Variants in STAU1 observed in about 807,000 individuals in gnomAD.
The protein encoded by STAU1 is staufen double-stranded RNA binding protein 1.
STAU1 carries 13 observed loss-of-function variants against 62.9 expected under a neutral mutation model. The ratio of observed to expected loss-of-function variants is 0.21; its 90% confidence interval spans 0.13 to 0.33. The LOEUF (loss-of-function observed/expected upper bound fraction) is 0.33, where lower values mean the gene tolerates loss of function less well. Among genes scored for constraint, STAU1 ranks in the 10% least tolerant of loss-of-function variants. STAU1 has a pLI of 1.00. For synonymous variants in STAU1, 269 were observed against 265.1 expected (o/e 1.01, Z -0.14); for missense variants, 571 against 712.1 (o/e 0.80, Z 2.25).
chr20:49,146,908 C>G (rs1003879357), intron 5 of STAU1, among the ~76,000 whole-genome samples: 1 of 152,030 alleles, frequency 6.6e-6, no homozygotes. Context: ...AGCTAGCCCC[C>G]GTTTTTCTCT....
chr20:49,144,032 C>G (rs1352436987), intron 5 of STAU1, among the ~76,000 whole-genome samples: 2 of 152,224 alleles, frequency 1.3e-5, no homozygotes, highest in Non-Finnish European at 2.9e-5. Context: ...ACTTTTGAAA[C>G]AGACTCATAA....
chr20:49,146,374 T>TTTA (rs1183137172), intron 5 of STAU1, among the ~76,000 whole-genome samples: 2 of 152,190 alleles, frequency 1.3e-5, no homozygotes, highest in East Asian at 3.8e-4. Context: ...AAGAGCTGCA[T>TTTA]TTATTCATTT....
intron 5 of STAU1, among the ~76,000 whole-genome samples, chr20:49,140,122 G>T (rs1253726481): frequency 6.6e-6 from 1 of 151,560 alleles, no homozygotes; most frequent in Non-Finnish European, 1.5e-5. Context: ...GGAGGCGGAG[G>T]TTGCAGTGAG....
intron 5 of STAU1, among the ~76,000 whole-genome samples, chr20:49,148,485 T>C (rs547245942): frequency 2.8e-4 from 43 of 152,276 alleles, no homozygotes; most frequent in African/African-American, 1.0e-3. Context: ...GTCGCAAGCG[T>C]TTAGGGTAAG....
chr20:49,136,848 C>T (rs2092896626), intron 5 of STAU1, among the ~76,000 whole-genome samples: 2 of 152,148 alleles, frequency 1.3e-5, no homozygotes, highest in Non-Finnish European at 2.9e-5. Context: ...CAGGCATGCG[C>T]CACCACACCC....
At chr20:49,164,662 A>C (rs2146374466) in intron 3 of STAU1, among the ~76,000 whole-genome samples, 1 of 152,228 alleles carries the variant, frequency 6.6e-6, no homozygotes, top group East Asian at 1.9e-4. Context: ...GCTATTCAGG[A>C]GGCTGAGGCA....
the STAU1 span, among the ~76,000 whole-genome samples, chr20:49,214,528 A>AC: frequency 7.3e-6 from 1 of 137,860 alleles, no homozygotes; most frequent in South Asian, 2.4e-4. Flanking sequence ...AAAAAAAAAA[A>AC]AAAAACAATA....
At chr20:49,118,288 C>T in intron 10 of STAU1, 45 bp downstream of exon 10, 1 of 1,564,390 alleles carries the variant, frequency 6.4e-7, no homozygotes, top group Non-Finnish European at 8.8e-7. Flanking sequence ...CCATGCAAAT[C>T]CCAGAATCAC....
chr20:49,145,041 T>C (rs746358192), intron 5 of STAU1, among the ~76,000 whole-genome samples: 5 of 152,208 alleles, frequency 3.3e-5, no homozygotes, highest in Non-Finnish European at 7.3e-5. Flanking sequence ...AAAATATAAG[T>C]ATACTTTCTC....
chr20:49,204,637 TATATATA>T, the STAU1 span, among the ~76,000 whole-genome samples: 5 of 61,522 alleles, frequency 8.1e-5, no homozygotes, highest in Non-Finnish European at 1.1e-4. Context: ...TATATATATA[TATATATA>T]TATTTTTTTT....
rs386393906 is a variant in STAU1, at chr20:49,175,798, C to CT, written c.-159-1530dup. Among the ~76,000 whole-genome samples the CT allele has an allele frequency of 7.3e-4, 77 of 104,820 alleles. 2 individuals carry two copies. Among genetic ancestry groups the CT allele is most frequent in the Admixed American group, 1.7e-3 (15 of 8,728 alleles). The allele number at this position is 104,820 out of a possible 152,430, so 68.8% of individuals were successfully genotyped here. ...GCCACCACACCCAACCTCATAATGC[C>CT]TTTTTTTTTTTTTTTTGAGACGGAG... On this transcript the variant is annotated intron_variant, in intron 1 of 13. Coordinates refer to ENST00000371856, the MANE Select transcript of STAU1 (RefSeq NM_017453.4).
intron 2 of STAU1, among the ~76,000 whole-genome samples, chr20:49,168,767 C>T (rs1337211037): frequency 1.3e-5 from 2 of 152,078 alleles, no homozygotes; most frequent in African/African-American, 4.8e-5. Flanking sequence ...TTTTGGTTGT[C>T]ACAACCAGTG....
intron 1 of STAU1, among the ~76,000 whole-genome samples, chr20:49,174,608 C>T (rs982566131): frequency 6.6e-6 from 1 of 151,850 alleles, no homozygotes; most frequent in Non-Finnish European, 1.5e-5. Context: ...GTAATCCCAG[C>T]ACTTTGGAAG....
chr20:49,167,809 A>G (rs1223151619), intron 2 of STAU1, among the ~76,000 whole-genome samples: 1 of 152,106 alleles, frequency 6.6e-6, no homozygotes, highest in East Asian at 1.9e-4. Flanking sequence ...CTATCTTGAG[A>G]GCACTTTTTA....
chr20:49,163,177 C>T (rs372529121), intron 3 of STAU1, among the ~76,000 whole-genome samples: 3 of 150,404 alleles, frequency 2.0e-5, no homozygotes, highest in Non-Finnish European at 1.5e-5. Context: ...GGCGACAGAG[C>T]GAGACTCCAT....
At chr20:49,177,445 G>A (rs1023690284) in intron 1 of STAU1, among the ~76,000 whole-genome samples, 16 of 151,420 alleles carry the variant, frequency 1.1e-4, no homozygotes, top group South Asian at 2.1e-4. Flanking sequence ...TTGGGAGGCC[G>A]AGGGTGGCAG....
At chr20:49,175,798 CTTTTTT>C in intron 1 of STAU1, among the ~76,000 whole-genome samples, 1 of 104,822 alleles carries the variant, frequency 9.5e-6, no homozygotes, top group Non-Finnish European at 1.9e-5. Context: ...CTCATAATGC[CTTTTTT>C]TTTTTTTTTT....
At chr20:49,155,725 A>AT (rs1412219842) in intron 3 of STAU1, among the ~76,000 whole-genome samples, 1 of 152,226 alleles carries the variant, frequency 6.6e-6, no homozygotes, top group Non-Finnish European at 1.5e-5. Context: ...CATTAGAATT[A>AT]TATTTTTTAC....
intron 5 of STAU1, among the ~76,000 whole-genome samples, chr20:49,146,409 T>A (rs540727524): frequency 9.9e-5 from 15 of 152,228 alleles, no homozygotes; most frequent in African/African-American, 3.6e-4. Context: ...AAAAGTATTT[T>A]AAAAACTTCA....
Sources: gnomAD v4.1 joint callset for allele counts (sites outside exome capture counted in the v4.1 genomes callset) on GRCh38, gnomAD v4.1.1 for gene constraint, MANE v1.5 for transcripts, NCBI Gene and HGNC (gene_info 2026-07-23, HGNC 2026-07-21) for gene names.